Variants in PLPPR5 observed in about 807,000 individuals in gnomAD.
PLPPR5 encodes the protein phospholipid phosphatase related 5, also known as phospholipid phosphatase-related protein type 5.
Under a neutral mutation model 33.9 loss-of-function variants are expected in PLPPR5, and 16 were observed. The ratio of observed to expected loss-of-function variants is 0.47; its 90% confidence interval spans 0.32 to 0.72. The LOEUF (loss-of-function observed/expected upper bound fraction) is 0.72, where lower values mean the gene tolerates loss of function less well. Ranked by LOEUF, PLPPR5 falls within the 30% of genes least tolerant of loss-of-function variation. The pLI, the probability that PLPPR5 is intolerant of heterozygous loss-of-function variation, is 0.03. For missense variants in PLPPR5, 301 were observed against 406.7 expected (o/e 0.74, Z 2.23); for synonymous variants, 163 against 150.3 (o/e 1.08, Z -0.62).
chr1:98,986,166 AAGTT>A (rs1652257253), intron 1 of PLPPR5, among the ~76,000 whole-genome samples: 1 of 151,978 alleles, frequency 6.6e-6, no homozygotes, highest in Non-Finnish European at 1.5e-5. Flanking sequence ...AGTCATTTCT[AAGTT>A]AGCTATAATA....
chr1:98,914,978 C>A (rs1330619961), intron 4 of PLPPR5, 58 bp from the exon 5 acceptor site: 2 of 1,531,202 alleles, frequency 1.3e-6, no homozygotes, highest in Non-Finnish European at 1.8e-6. Flanking sequence ...TGACTTTCAG[C>A]CTTTTGAGGA....
chr1:98,903,408 A>G (rs1232626789), intron 5 of PLPPR5, among the ~76,000 whole-genome samples: 1 of 152,160 alleles, frequency 6.6e-6, no homozygotes, highest in Non-Finnish European at 1.5e-5. Context: ...TTACTCACGC[A>G]CAGCATTCTG....
chr1:98,927,428 C>T (rs72730327), intron 3 of PLPPR5, among the ~76,000 whole-genome samples: 26,325 of 152,140 alleles, frequency 0.17, 2,540 homozygotes, highest in Non-Finnish European at 0.22. Flanking sequence ...ACAACCACTG[C>T]TAACGTCCTT....
At chr1:98,910,888 GT>G (rs66793213) in intron 5 of PLPPR5, among the ~76,000 whole-genome samples, 49,209 of 142,092 alleles carry the variant, frequency 0.35, 8,403 homozygotes, top group Non-Finnish European at 0.38. Context: ...GCCAGAGAGT[GT>G]TTTTTTTTTT....
At chr1:98,992,023 A>G (rs534257466) in intron 1 of PLPPR5, among the ~76,000 whole-genome samples, 1 of 152,180 alleles carries the variant, frequency 6.6e-6, no homozygotes, top group Admixed American at 6.5e-5. Flanking sequence ...CTTTTATCTT[A>G]TGCAGAATAT....
intron 1 of PLPPR5, among the ~76,000 whole-genome samples, chr1:98,990,634 A>C (rs2100760228): frequency 6.6e-6 from 1 of 151,782 alleles, no homozygotes; most frequent in East Asian, 1.9e-4. Flanking sequence ...ATTAAACAAA[A>C]AATGAAATGA....
intron 3 of PLPPR5, among the ~76,000 whole-genome samples, chr1:98,944,682 C>T (rs1557678678): frequency 6.6e-6 from 1 of 152,240 alleles, no homozygotes; most frequent in South Asian, 2.1e-4. Flanking sequence ...TACTGGGTGG[C>T]ATACAAAGCT....
intron 1 of PLPPR5, among the ~76,000 whole-genome samples, chr1:98,969,355 T>C (rs1651570649): frequency 6.6e-6 from 1 of 151,956 alleles, no homozygotes; most frequent in Admixed American, 6.6e-5. Flanking sequence ...TCCCTGGTTA[T>C]TAGAAAAAGA....
intron 5 of PLPPR5, among the ~76,000 whole-genome samples, chr1:98,902,630 G>A (rs926458383): frequency 6.6e-6 from 1 of 151,962 alleles, no homozygotes; most frequent in African/African-American, 2.4e-5. Context: ...GATTTTGAAG[G>A]CCCTCCATAG....
chr1:98,955,606 G>T (rs540655536), intron 2 of PLPPR5, among the ~76,000 whole-genome samples: 1 of 152,104 alleles, frequency 6.6e-6, no homozygotes, highest in South Asian at 2.1e-4. Flanking sequence ...AAGGCCTTTC[G>T]TCTTCAGAGA....
intron 4 of PLPPR5, among the ~76,000 whole-genome samples, chr1:98,918,410 C>G (rs1649436555): frequency 6.6e-6 from 1 of 152,124 alleles, no homozygotes; most frequent in African/African-American, 2.4e-5. Flanking sequence ...ATTTTTGTGG[C>G]TCAATAAACT....
At chr1:98,924,875 G>T (rs1010346778) in intron 3 of PLPPR5, among the ~76,000 whole-genome samples, 1 of 152,144 alleles carries the variant, frequency 6.6e-6, no homozygotes, top group Admixed American at 6.6e-5. Flanking sequence ...GTGGAGAGTG[G>T]ACAGTGGCTG....
intron 5 of PLPPR5, among the ~76,000 whole-genome samples, chr1:98,901,492 A>G (rs1017881004): frequency 6.6e-6 from 1 of 152,200 alleles, no homozygotes; most frequent in Non-Finnish European, 1.5e-5. Context: ...CCCACCAGAC[A>G]TAACATGAAG....
intron 3 of PLPPR5, among the ~76,000 whole-genome samples, chr1:98,951,399 T>C (rs1286690223): frequency 6.6e-6 from 1 of 152,074 alleles, no homozygotes; most frequent in East Asian, 1.9e-4. Flanking sequence ...ATTAGAAGAA[T>C]AGAGTTTGGG....
intron 1 of PLPPR5, among the ~76,000 whole-genome samples, chr1:98,962,066 A>G (rs1483816259): frequency 6.6e-6 from 1 of 152,148 alleles, no homozygotes; most frequent in Non-Finnish European, 1.5e-5. Flanking sequence ...CTTCTGTGTC[A>G]CCATCTCAAT....
intron 3 of PLPPR5, among the ~76,000 whole-genome samples, chr1:98,949,486 T>C (rs1650697955): frequency 6.6e-6 from 1 of 152,212 alleles, no homozygotes; most frequent in Admixed American, 6.5e-5. Flanking sequence ...TATGCATTTA[T>C]GTATGTTTAT....
intron 1 of PLPPR5, among the ~76,000 whole-genome samples, chr1:99,003,943 T>C (rs1036096857): frequency 1.3e-5 from 2 of 152,124 alleles, no homozygotes; most frequent in African/African-American, 2.4e-5. Flanking sequence ...AGGAGGGAGG[T>C]GGCGAAATAG....
intron 1 of PLPPR5, among the ~76,000 whole-genome samples, chr1:98,965,020 C>G (rs990877168): frequency 6.8e-6 from 1 of 148,098 alleles, no homozygotes; most frequent in Non-Finnish European, 1.5e-5. Flanking sequence ...ATCATGTTGC[C>G]CAGGCTGGTC....
intron 1 of PLPPR5, among the ~76,000 whole-genome samples, chr1:98,957,759 A>G (rs1454308254): frequency 6.6e-6 from 1 of 152,232 alleles, no homozygotes; most frequent in Non-Finnish European, 1.5e-5. Context: ...AACTAGGAAT[A>G]GCATCCTACC....
Sources: allele counts gnomAD v4.1 joint callset (sites outside exome capture counted in the v4.1 genomes callset), GRCh38; gene constraint gnomAD v4.1.1; transcripts MANE v1.5; gene names NCBI Gene and HGNC (gene_info 2026-07-23, HGNC 2026-07-21).